FAM222B: variants seen among roughly 807,000 people sequenced by gnomAD.
The protein encoded by FAM222B is family with sequence similarity 222 member B.
A neutral mutation model predicts 38.0 loss-of-function variants in FAM222B; 12 were observed. The ratio of observed to expected loss-of-function variants is 0.32; its 90% CI spans 0.20 to 0.51. The LOEUF is 0.51. Ranked by LOEUF, FAM222B falls within the 20% of genes least tolerant of loss-of-function variation. The pLI is 0.97. For synonymous variants in FAM222B, 329 were observed against 317.2 expected, an observed-to-expected ratio of 1.04 and a Z score of -0.40; for missense variants, 716 against 754.2, an observed-to-expected ratio of 0.95 and a Z score of 0.59.
At chr17:28,760,690 T>TCAGTCTAG (rs1167425066) in intron 2 of FAM222B, among the ~76,000 whole-genome samples, 1 of 152,138 alleles carries the variant, frequency 6.6e-6, no homozygotes, top group African/African-American at 2.4e-5. Context: ...TGGTGGCCCT[T>TCAGTCTAG]CAGTCTAGAG....
chr17:28,839,162 G>C (rs994392096), intron 1 of FAM222B, among the ~76,000 whole-genome samples: 1 of 152,078 alleles, frequency 6.6e-6, no homozygotes, highest in African/African-American at 2.4e-5. Flanking sequence ...AGCCGAGATC[G>C]CGCCACTGCA....
intron 1 of FAM222B, among the ~76,000 whole-genome samples, chr17:28,795,327 T>C (rs1162258659): frequency 6.6e-6 from 1 of 152,128 alleles, no homozygotes; most frequent in African/African-American, 2.4e-5. Context: ...GTATTTTTAG[T>C]ATAGACAGGG....
rs2034723669 is a variant in FAM222B at position 28,756,883 on chromosome 17, T to A, written c.*1387A>T. 6.6e-6 allele frequency: 1 copy of A among 152,360 alleles called. No homozygotes were observed. Among genetic ancestry groups the A allele is most frequent in the African/African-American group, 2.4e-5 (1 of 41,402 alleles). 9.4% of individuals were successfully genotyped at this position (152,360 alleles called of 1,614,324 possible). ...AATGCAAAACCTTAAATAAGAACCATCAGCTGACATTCCCCAGAGACAAGA... is the reference window on the plus strand; with the variant it reads ...AATGCAAAACCTTAAATAAGAACCAACAGCTGACATTCCCCAGAGACAAGA... On this transcript the variant is annotated 3_prime_UTR_variant, in exon 3 of 3. Transcript: ENST00000581407.
chr17:28,812,791 G>A (rs1207638737), intron 1 of FAM222B, among the ~76,000 whole-genome samples: 1 of 151,068 alleles, frequency 6.6e-6, no homozygotes, highest in Admixed American at 6.6e-5. Flanking sequence ...TGGGTACTAG[G>A]AGACCCCCCC....
intron 1 of FAM222B, among the ~76,000 whole-genome samples, chr17:28,838,540 A>T (rs2038928172): frequency 6.6e-6 from 1 of 151,954 alleles, no homozygotes. Context: ...AGATCGCGTC[A>T]CTGCACTCCA....
At chr17:28,779,551 A>C (rs1379946591) in intron 1 of FAM222B, among the ~76,000 whole-genome samples, 1 of 152,008 alleles carries the variant, frequency 6.6e-6, no homozygotes, top group Non-Finnish European at 1.5e-5. Flanking sequence ...GGAGATCGTG[A>C]CCATCCTGGC....
chr17:28,822,148 A>G (rs191700902), intron 1 of FAM222B, among the ~76,000 whole-genome samples: 2 of 149,930 alleles, frequency 1.3e-5, no homozygotes, highest in African/African-American at 4.9e-5. Context: ...CAGTCTCCCA[A>G]GTAGCTGGGA....
At chr17:28,784,491 TAAAAAAAAAAAAAAAAAAA>T (rs559624246) in intron 1 of FAM222B, among the ~76,000 whole-genome samples, 13,964 of 35,916 alleles carry the variant, frequency 0.39, 1,703 homozygotes, top group South Asian at 0.51. Context: ...TCCCCTCTCT[TAAAAAAAAAAAAAAAAAAA>T]AAAAAAAAAA....
chr17:28,796,994 CTTTT>C (rs34242589), intron 1 of FAM222B, among the ~76,000 whole-genome samples: 5 of 81,606 alleles, frequency 6.1e-5, no homozygotes, highest in African/African-American at 1.5e-4. Flanking sequence ...GTGGCTATTG[CTTTT>C]TTTTTTTTTT....
At chr17:28,841,443 C>T (rs2039035227) in intron 1 of FAM222B, among the ~76,000 whole-genome samples, 1 of 152,194 alleles carries the variant, frequency 6.6e-6, no homozygotes. Flanking sequence ...AGCACTATCT[C>T]GGCTCACCGC....
Position 28,759,126 on chromosome 17 carries a change from G to A in FAM222B, c.833C>T (p.Thr278Met), listed in dbSNP as rs575911818. The A allele has an allele frequency of 3.0e-5, 49 of 1,611,848 alleles. No individual in the cohort carries two copies. The East Asian group carries it at 3.3e-4, about 11-fold the overall frequency. The change falls in exon 3 of 3, where the codon ACG becomes ATG. Residue 278 changes from threonine to methionine, a missense_variant. By Grantham distance (81) the Thr-to-Met change is moderately conservative. Transcript: ENST00000581407. This position sits in a 1 kb window ranked among gnomAD's most constrained non-coding sequence, Gnocchi z 4.8. ...IVHQINQFCQ[T>M]RAGISTTSVC... is the part of the protein sequence containing the mutation. ...TGAGGTAGTGCTGATGCCTGCCCTCGTCTGGCAAAACTGGTTGATCTGGTG... is the reference window on the plus strand; with the variant it reads ...TGAGGTAGTGCTGATGCCTGCCCTCATCTGGCAAAACTGGTTGATCTGGTG...
Position 28,852,224 on chromosome 17 carries a change from G to A in FAM222B, c.-41+2726C>T, listed in dbSNP as rs540504488. The stretch of plus-strand genomic sequence containing the variant: ...CTACTAAAAATACAAAAAATTAGCC[G>A]GGCATGGTGGTGGGCGCCTGCAGTC... On this transcript the variant is annotated intron_variant, in intron 1 of 2. Transcript: ENST00000577513. Among the ~76,000 whole-genome samples, 165 of 151,780 alleles carry A rather than the reference G, an allele frequency of 1.1e-3. 1 individual carries two copies. Among genetic ancestry groups the A allele is most frequent in the South Asian group, 8.3e-4 (4 of 4,806 alleles).
At chr17:28,793,742 A>ATTT (rs1159375528) in intron 1 of FAM222B, among the ~76,000 whole-genome samples, 2 of 132,786 alleles carry the variant, frequency 1.5e-5, no homozygotes, top group Non-Finnish European at 3.3e-5. Flanking sequence ...TACTCAACCA[A>ATTT]TTTTTTTTTT....
chr17:28,843,967 C>T (rs2039118860), upstream of FAM222B, among the ~76,000 whole-genome samples: 1 of 152,172 alleles, frequency 6.6e-6, no homozygotes, highest in South Asian at 2.1e-4. Flanking sequence ...ATGTTCTAGG[C>T]ATCGCGTGTA....
intron 1 of FAM222B, among the ~76,000 whole-genome samples, chr17:28,797,877 A>C (rs963740711): frequency 1.3e-5 from 2 of 150,976 alleles, no homozygotes; most frequent in African/African-American, 4.9e-5. Context: ...TCTGGACAAC[A>C]TAGGGAGACC....
At chr17:28,839,833 G>A (rs905208371) in intron 1 of FAM222B, among the ~76,000 whole-genome samples, 3 of 151,964 alleles carry the variant, frequency 2.0e-5, no homozygotes, top group African/African-American at 7.2e-5. Context: ...GGAAAGAAAA[G>A]TGAAACACAT....
chr17:28,822,889 A>G (rs1211517067), intron 1 of FAM222B, among the ~76,000 whole-genome samples: 5 of 135,374 alleles, frequency 3.7e-5, no homozygotes, highest in African/African-American at 1.4e-4. Context: ...ATATACACAC[A>G]CACATATATG....
intron 1 of FAM222B, among the ~76,000 whole-genome samples, chr17:28,826,666 A>G (rs1372200759): frequency 7.1e-6 from 1 of 139,976 alleles, no homozygotes; most frequent in African/African-American, 2.7e-5. Flanking sequence ...GGGCAACAAG[A>G]GCAGAACTCC....
At chr17:28,801,123 C>G (rs2037199256) in intron 1 of FAM222B, among the ~76,000 whole-genome samples, 1 of 148,274 alleles carries the variant, frequency 6.7e-6, no homozygotes, top group Middle Eastern at 3.5e-3. Flanking sequence ...TGCCACTGCA[C>G]TCCAGCTTGG....
Sources: gnomAD v4.1 joint callset for allele counts (sites outside exome capture counted in the v4.1 genomes callset) on GRCh38, gnomAD v4.1.1 for gene constraint, Gnocchi (gnomAD v3.1) non-coding constraint, MANE v1.5 for transcripts, NCBI Gene and HGNC (gene_info 2026-07-23, HGNC 2026-07-21) for gene names.